FRMD4B: variants seen among roughly 807,000 people sequenced by gnomAD.
FRMD4B encodes FERM domain containing 4B, also known as FERM domain-containing protein 4B.
FRMD4B carries 74 observed loss-of-function variants against 141.5 expected under a neutral mutation model. The observed-to-expected ratio is 0.52, with a 90% confidence interval of 0.43 to 0.63. FRMD4B has a LOEUF of 0.63. Among genes scored for constraint, FRMD4B ranks in the 30% least tolerant of loss-of-function variants. FRMD4B has a pLI of 0.00. For synonymous variants in FRMD4B, 506 were observed against 467.9 expected (o/e 1.08, Z -1.05); for missense variants, 1,366 against 1,253.4 (o/e 1.09, Z -1.36).
intron 1 of FRMD4B, among the ~76,000 whole-genome samples, chr3:69,316,801 A>C (rs1056512260): frequency 5.9e-5 from 9 of 152,256 alleles, no homozygotes; most frequent in Admixed American, 2.6e-4. Flanking sequence ...CTGTTGTCCC[A>C]TAATCCAAAT....
At chr3:69,404,820 A>T in intron 2 of FRMD4B, among the ~76,000 whole-genome samples, 1 of 152,194 alleles carries the variant, frequency 6.6e-6, no homozygotes, top group East Asian at 1.9e-4. Flanking sequence ...AGGAATGGAA[A>T]GAGGATGCAA....
At chr3:69,518,329 A>T (rs1405588330) in intron 1 of FRMD4B, among the ~76,000 whole-genome samples, 2 of 152,174 alleles carry the variant, frequency 1.3e-5, no homozygotes, top group Non-Finnish European at 2.9e-5. Context: ...ATCATCATTC[A>T]GTGATGACTT....
intron 4 of FRMD4B, among the ~76,000 whole-genome samples, chr3:69,299,108 C>G (rs890083878): frequency 5.3e-5 from 8 of 152,070 alleles, no homozygotes; most frequent in Admixed American, 1.3e-4. Context: ...CTATCGGGTC[C>G]TCAGACCTAG....
intron 1 of FRMD4B, among the ~76,000 whole-genome samples, chr3:69,521,000 T>G (rs182168884): frequency 1.3e-5 from 2 of 152,184 alleles, no homozygotes; most frequent in Non-Finnish European, 2.9e-5. Context: ...TGGAGTGAGT[T>G]TGGATTTTAT....
At chr3:69,392,698 CCA>C (rs1293168004) in intron 2 of FRMD4B, among the ~76,000 whole-genome samples, 3 of 152,196 alleles carry the variant, frequency 2.0e-5, no homozygotes, top group South Asian at 2.1e-4. Flanking sequence ...GGCAAAAGTG[CCA>C]CCCTCAAAGC....
intron 7 of FRMD4B, among the ~76,000 whole-genome samples, chr3:69,229,889 A>G (rs1435247665): frequency 6.6e-6 from 1 of 152,036 alleles, no homozygotes; most frequent in African/African-American, 2.4e-5. Flanking sequence ...TATTTTCAGT[A>G]GAGACAGGGT....
Position 69,427,643 on chromosome 3 carries a change from G to GTTTTTTT in FRMD4B, c.-1+4984_-1+4990dup, listed in dbSNP as rs774316609. Among the ~76,000 whole-genome samples, 123 of 36,240 alleles carry GTTTTTTT rather than the reference G, an allele frequency of 3.4e-3. 26 individuals are homozygous for GTTTTTTT. Among genetic ancestry groups the GTTTTTTT allele is most frequent in the East Asian group, 0.033 (26 of 796 alleles). The allele number at this position is 36,240 out of a possible 152,430, so 23.8% of individuals were successfully genotyped here. On this transcript the variant is annotated intron_variant, in intron 2 of 5. Transcript: ENST00000459638. ...GTGTTTAGTAAGAAGCTAGGTAAAT[G>GTTTTTTT]TTTTTTTTTTTTTTTTTTTTTTTTT...
chr3:69,175,515 G>A (rs2092634694), intron 22 of FRMD4B, among the ~76,000 whole-genome samples: 1 of 152,126 alleles, frequency 6.6e-6, no homozygotes. Flanking sequence ...ACAAACATAG[G>A]ATCAGATAAA....
At chr3:69,308,187 C>A (rs11707515) in intron 3 of FRMD4B, among the ~76,000 whole-genome samples, 45,139 of 151,956 alleles carry the variant, frequency 0.3, 7,178 homozygotes, top group African/African-American at 0.42. Context: ...TATGCTCTGC[C>A]TACCTTACCT....
intron 1 of FRMD4B, chr3:69,323,053 C>T: frequency 1.1e-6 from 1 of 948,338 alleles, no homozygotes; most frequent in Non-Finnish European, 1.3e-6. Context: ...AGGAAAAAGA[C>T]AATGAGGGAG....
chr3:69,517,567 AAGC>A (rs1308740807), intron 1 of FRMD4B, among the ~76,000 whole-genome samples: 2 of 152,170 alleles, frequency 1.3e-5, no homozygotes, highest in African/African-American at 2.4e-5. Context: ...CTTCATGTGT[AAGC>A]AGTCCAAAAC....
chr3:69,376,972 A>C (rs1336046346), intron 1 of FRMD4B: 3 of 152,124 alleles, frequency 2.0e-5, no homozygotes, highest in African/African-American at 7.2e-5. Flanking sequence ...TGAAAAACAA[A>C]CACTCATTTG....
chr3:69,286,390 A>G (rs1700689896), intron 5 of FRMD4B, among the ~76,000 whole-genome samples: 1 of 152,258 alleles, frequency 6.6e-6, no homozygotes. Context: ...GAGAAATGGA[A>G]GTATACTACT....
chr3:69,281,805 C>G (rs2093645604), intron 5 of FRMD4B, among the ~76,000 whole-genome samples: 1 of 133,842 alleles, frequency 7.5e-6, no homozygotes, highest in Admixed American at 8.3e-5. Context: ...GCCTGGGTGA[C>G]AGAGTAAGAC....
chr3:69,378,432 G>A (rs1704030409), intron 1 of FRMD4B, among the ~76,000 whole-genome samples: 2 of 152,218 alleles, frequency 1.3e-5, no homozygotes, highest in African/African-American at 4.8e-5. Context: ...CTGTGGGCCT[G>A]AATGACAGTA....
At chr3:69,313,880 CT>C (rs1701695749) in intron 1 of FRMD4B, among the ~76,000 whole-genome samples, 1 of 151,166 alleles carries the variant, frequency 6.6e-6, no homozygotes, top group South Asian at 2.1e-4. Flanking sequence ...TGGCTCACGC[CT>C]GTAATCCCAG....
At chr3:69,485,609 G>A (rs1198991780) in intron 1 of FRMD4B, among the ~76,000 whole-genome samples, 2 of 152,234 alleles carry the variant, frequency 1.3e-5, no homozygotes, top group African/African-American at 2.4e-5. Context: ...GCTTGTCCCT[G>A]GTTCCCGCTG....
intron 2 of FRMD4B, among the ~76,000 whole-genome samples, chr3:69,400,373 C>A (rs903269141): frequency 2.4e-5 from 3 of 126,972 alleles, no homozygotes; most frequent in Non-Finnish European, 5.1e-5. Context: ...CAGAGTGAGA[C>A]CCTGTCTCTC....
chr3:69,455,499 C>T (rs1418561318), intron 1 of FRMD4B, among the ~76,000 whole-genome samples: 1 of 152,152 alleles, frequency 6.6e-6, no homozygotes, highest in Non-Finnish European at 1.5e-5. Flanking sequence ...CCGTGAAGGT[C>T]TGCAGCTTCC....
Sources: allele counts gnomAD v4.1 joint callset (sites outside exome capture counted in the v4.1 genomes callset), GRCh38; gene constraint gnomAD v4.1.1; transcripts MANE v1.5; gene names NCBI Gene and HGNC (gene_info 2026-07-23, HGNC 2026-07-21).